IMMP1L: variants seen among roughly 807,000 people sequenced by gnomAD.
The protein encoded by IMMP1L is inner mitochondrial membrane peptidase subunit 1, also known as mitochondrial inner membrane protease subunit 1.
A neutral mutation model predicts 21.8 loss-of-function variants in IMMP1L; 24 were observed. The ratio of observed to expected loss-of-function variants is 1.10; its 90% confidence interval spans 0.80 to 1.55. The LOEUF is 1.55. IMMP1L is among the 40% of genes most tolerant of loss of function. The pLI is 0.00. For synonymous variants in IMMP1L, 46 were observed against 62.8 expected (o/e 0.73, Z 1.26); for missense variants, 195 against 200.7 (o/e 0.97, Z 0.17).
At chr11:31,490,830 T>G (rs1364095361) in intron 1 of IMMP1L, among the ~76,000 whole-genome samples, 1 of 152,008 alleles carries the variant, frequency 6.6e-6, no homozygotes, top group African/African-American at 2.4e-5. Flanking sequence ...CAATGTGAGA[T>G]CATAGTAGAT....
At chr11:31,460,011 T>C (rs527900426) in intron 3 of IMMP1L, among the ~76,000 whole-genome samples, 24 of 151,812 alleles carry the variant, frequency 1.6e-4, no homozygotes, top group Non-Finnish European at 2.9e-4. Flanking sequence ...ACAAAAATTA[T>C]CTGGGCGCGG....
intron 4 of IMMP1L, among the ~76,000 whole-genome samples, chr11:31,442,745 T>C (rs1360526645): frequency 6.6e-6 from 1 of 152,154 alleles, no homozygotes; most frequent in Non-Finnish European, 1.5e-5. Flanking sequence ...ACAAAGTTTT[T>C]AGAATCCTTT....
At chr11:31,453,493 G>C (rs1210052048) in intron 4 of IMMP1L, among the ~76,000 whole-genome samples, 1 of 152,114 alleles carries the variant, frequency 6.6e-6, no homozygotes, top group Non-Finnish European at 1.5e-5. Flanking sequence ...AGAGGTAAGG[G>C]GAAGAAACTC....
chr11:31,496,656 TTA>T (rs1476887528), intron 1 of IMMP1L, among the ~76,000 whole-genome samples: 5 of 150,978 alleles, frequency 3.3e-5, no homozygotes, highest in African/African-American at 9.7e-5. Flanking sequence ...ATATGTTATC[TTA>T]TATATATGTT....
chr11:31,499,366 A>AAAAACAAAACAAAACAAAAC lies in IMMP1L; in HGVS notation c.-30+10133_-30+10152dup, dbSNP rs144325871. Among the ~76,000 whole-genome samples, 646 of 150,652 alleles carry AAAAACAAAACAAAACAAAAC rather than the reference A, an allele frequency of 4.3e-3. 5 individuals are homozygous for AAAAACAAAACAAAACAAAAC. The highest frequency in any genetic ancestry group is 0.014 in the African/African-American group (582 of 40,616). ...GGCGACAGAGTGAGACTCCGTATCA[A>AAAAACAAAACAAAACAAAAC]AAAACAAAACAAAACAAAACAAAAC... On this transcript the variant is annotated intron_variant, in intron 1 of 5. Transcript: ENST00000532287.
intron 1 of IMMP1L, among the ~76,000 whole-genome samples, chr11:31,498,125 T>TA (rs1262763877): frequency 6.6e-6 from 1 of 152,198 alleles, no homozygotes; most frequent in Non-Finnish European, 1.5e-5. Flanking sequence ...TTTATATTCT[T>TA]AAAAAATCCA....
chr11:31,452,831 A>C lies in IMMP1L; in HGVS notation c.321+3429T>G, dbSNP rs374982596. Reference sequence around the variant, plus strand: ...AGTGGCGCGATCTCGGCTCACTGCAACCTCCACCTCCCAGGTTGAAGCGAT... The same window carrying C: ...AGTGGCGCGATCTCGGCTCACTGCACCCTCCACCTCCCAGGTTGAAGCGAT... On this transcript the variant is annotated intron_variant, in intron 4 of 5. Transcript: ENST00000532287. The C allele has an allele frequency of 6.4e-5, 49 of 764,332 alleles. No individual in the cohort carries two copies. In the East Asian group the frequency reaches 2.7e-3, roughly 42 times the overall value. 47.3% of individuals were successfully genotyped at this position (764,332 alleles called of 1,614,324 possible). A position where few individuals can be genotyped will look rare whatever the true frequency, so the allele number is the denominator to read the frequency against.
At chr11:31,462,768 T>G (rs946678204) in intron 2 of IMMP1L, among the ~76,000 whole-genome samples, 2 of 152,192 alleles carry the variant, frequency 1.3e-5, no homozygotes, top group African/African-American at 2.4e-5. Context: ...GCTTTCTCAG[T>G]TCATTTCCTC....
chr11:31,477,977 A>G (rs954275825), intron 1 of IMMP1L, among the ~76,000 whole-genome samples: 50 of 152,304 alleles, frequency 3.3e-4, no homozygotes, highest in Admixed American at 2.8e-3. Flanking sequence ...TCTGCTGTCT[A>G]TCTCTGCTAG....
chr11:31,477,350 C>T lies in IMMP1L; in HGVS notation c.-29-14045G>A, dbSNP rs1232762448. 6.8e-5 allele frequency: 11 copies of T among 161,940 alleles called. No individual in the cohort carries two copies. The Admixed American group carries it at 7.2e-4, about 11-fold the overall frequency. The allele number at this position is 161,940 out of a possible 1,614,324, so 10.0% of individuals were successfully genotyped here. ...TGCCATTCAATTAAAAAAACCAAGA[C>T]ATCATTGATCAACTTTTCTATTTCA... On this transcript the variant is annotated intron_variant, in intron 1 of 5. Coordinates refer to ENST00000532287, the MANE Select transcript of IMMP1L (RefSeq NM_001304274.2).
chr11:31,489,523 ACT>A (rs1955188286), intron 1 of IMMP1L, among the ~76,000 whole-genome samples: 1 of 152,100 alleles, frequency 6.6e-6, no homozygotes, highest in South Asian at 2.1e-4. Context: ...GCTGAGAGAA[ACT>A]CTGATATATT....
chr11:31,475,745 A>AT (rs1456277771), intron 1 of IMMP1L, among the ~76,000 whole-genome samples: 1 of 152,170 alleles, frequency 6.6e-6, no homozygotes, highest in African/African-American at 2.4e-5. Flanking sequence ...AATAACCTGT[A>AT]TTTTTATGAA....
chr11:31,447,069 T>C (rs35697033), intron 4 of IMMP1L, among the ~76,000 whole-genome samples: 14,205 of 152,268 alleles, frequency 0.093, 874 homozygotes, highest in East Asian at 0.21. Context: ...GAAAGTTCTA[T>C]TGGTGTTGCT....
In IMMP1L at chr11:31,496,615, A is replaced by G. The variant is rs186413030; in HGVS notation, c.-30+12904T>C. 6.5e-3 allele frequency among the ~76,000 whole-genome samples: 971 copies of G among 149,084 alleles called. 10 individuals carry two copies. The highest frequency in any genetic ancestry group is 0.022 in the African/African-American group (901 of 40,734). On this transcript the variant is annotated intron_variant, in intron 1 of 5. Coordinates refer to ENST00000532287, the MANE Select transcript of IMMP1L (RefSeq NM_001304274.2). Reference sequence around the variant, plus strand: ...TGAATGGATAAACAAACTGTGATATATGTGTGTGTGTGTGTGTGTGTATAT... The same window carrying G: ...TGAATGGATAAACAAACTGTGATATGTGTGTGTGTGTGTGTGTGTGTATAT...
intron 1 of IMMP1L, among the ~76,000 whole-genome samples, chr11:31,487,719 C>T (rs1955130732): frequency 6.6e-6 from 1 of 152,082 alleles, no homozygotes; most frequent in South Asian, 2.1e-4. Context: ...AACTAACTTA[C>T]ATTACAAAAA....
chr11:31,456,699 A>C (rs540228198), intron 3 of IMMP1L, among the ~76,000 whole-genome samples: 24 of 151,936 alleles, frequency 1.6e-4, no homozygotes, highest in African/African-American at 5.8e-4. Flanking sequence ...CTGTGTCCAA[A>C]TTCTTAGAAC....
At chr11:31,501,157 G>A (rs1955606034) in intron 1 of IMMP1L, among the ~76,000 whole-genome samples, 1 of 152,166 alleles carries the variant, frequency 6.6e-6, no homozygotes. Flanking sequence ...GGTTCTACTG[G>A]ACAGGGTTCA....
At chr11:31,453,560 G>A (rs1025527742) in intron 4 of IMMP1L, among the ~76,000 whole-genome samples, 3 of 152,104 alleles carry the variant, frequency 2.0e-5, no homozygotes, top group Non-Finnish European at 4.4e-5. Flanking sequence ...AGGGACACAC[G>A]AGAGGGGTAG....
At chr11:31,472,524 T>A (rs1179590502) in intron 1 of IMMP1L, among the ~76,000 whole-genome samples, 1 of 152,242 alleles carries the variant, frequency 6.6e-6, no homozygotes, top group Admixed American at 6.5e-5. Context: ...ATGTACCATG[T>A]GTGCTGTGAA....
Sources: gnomAD v4.1 joint callset for allele counts (sites outside exome capture counted in the v4.1 genomes callset) on GRCh38, gnomAD v4.1.1 for gene constraint, MANE v1.5 for transcripts, NCBI Gene and HGNC (gene_info 2026-07-23, HGNC 2026-07-21) for gene names.